TFDP2: variants seen among roughly 807,000 people sequenced by gnomAD.
The protein encoded by TFDP2 is transcription factor Dp-2 (E2F dimerization partner 2).
Under a neutral mutation model 59.3 loss-of-function variants are expected in TFDP2, and 17 were observed. The observed-to-expected ratio is 0.29, with a 90% CI of 0.20 to 0.43. The LOEUF (loss-of-function observed/expected upper bound fraction) is 0.43. TFDP2 is among the 20% of genes least tolerant of loss of function. The pLI, the probability that TFDP2 is intolerant of heterozygous loss-of-function variation, is 1.00. For missense variants in TFDP2, 391 were observed against 528.8 expected, an observed-to-expected ratio of 0.74 and a Z score of 2.56; for synonymous variants, 180 against 194.7, an observed-to-expected ratio of 0.92 and a Z score of 0.63.
intron 9 of TFDP2, among the ~76,000 whole-genome samples, chr3:141,968,258 T>C (rs1938453427): frequency 7.3e-6 from 1 of 137,068 alleles, no homozygotes; most frequent in Admixed American, 8.0e-5. Flanking sequence ...ATATTATATA[T>C]TATATATAAT....
intron 3 of TFDP2, among the ~76,000 whole-genome samples, chr3:142,068,118 G>A (rs1157001523): frequency 2.0e-5 from 3 of 150,712 alleles, no homozygotes; most frequent in Admixed American, 1.3e-4. Context: ...CCCTGAAACA[G>A]AACAATAAAA....
intron 3 of TFDP2, among the ~76,000 whole-genome samples, chr3:142,034,041 A>C (rs904922332): frequency 1.4e-4 from 21 of 151,942 alleles, no homozygotes; most frequent in Admixed American, 1.1e-3. Context: ...TTAATCACTA[A>C]AATTTTTTAG....
chr3:142,066,243 T>C (rs2060071208), intron 3 of TFDP2, among the ~76,000 whole-genome samples: 1 of 152,230 alleles, frequency 6.6e-6, no homozygotes, highest in Non-Finnish European at 1.5e-5. Flanking sequence ...TGTGAAGATT[T>C]GTTCAAAAAT....
chr3:141,993,587 TA>T lies in TFDP2; in HGVS notation c.309-3del. ...AATTTTCTAGCCCGTTTTCTATCAC[TA>T]AAAAGGAAAAAAGATAGCATAAAAA... On this transcript the variant is annotated splice_polypyrimidine_tract_variant and splice_region_variant and intron_variant, in intron 5 of 12. Coordinates refer to ENST00000489671, the MANE Select transcript of TFDP2 (RefSeq NM_001178139.2). 1 of 1,543,344 alleles carries T rather than the reference TA, an allele frequency of 6.5e-7. No homozygotes were observed. The highest frequency in any genetic ancestry group is 8.9e-7 in the Non-Finnish European group (1 of 1,125,824).
chr3:141,948,248 A>G lies in TFDP2; in HGVS notation c.*4265T>C, dbSNP rs1935469938. The G allele has an allele frequency of 6.6e-6, 1 of 152,198 alleles. No homozygotes were observed. The highest frequency in any genetic ancestry group is 6.6e-5 in the Admixed American group (1 of 15,254). The allele number at this position is 152,198 out of a possible 1,614,324, so 9.4% of individuals were successfully genotyped here. On this transcript the variant is annotated 3_prime_UTR_variant, in exon 13 of 13. Transcript: ENST00000489671. ...GCCCTTGAAAGGAAATAATTTTTAA[A>G]AAGCTAAATAGAGCCGGGTGCGGTG...
intron 2 of TFDP2, among the ~76,000 whole-genome samples, chr3:142,100,815 T>C (rs1441222282): frequency 1.3e-5 from 2 of 152,070 alleles, no homozygotes; most frequent in African/African-American, 4.8e-5. Context: ...GAGGGAGAAA[T>C]GAAGCAGGTA....
intron 3 of TFDP2, among the ~76,000 whole-genome samples, chr3:142,025,983 A>G (rs1359297725): frequency 6.6e-6 from 1 of 152,186 alleles, no homozygotes; most frequent in African/African-American, 2.4e-5. Context: ...AACAAACTTC[A>G]AAATCTCTAA....
intron 1 of TFDP2, among the ~76,000 whole-genome samples, chr3:142,122,959 T>C (rs2062100616): frequency 6.6e-6 from 1 of 151,272 alleles, no homozygotes; most frequent in Non-Finnish European, 1.5e-5. Flanking sequence ...TACGTTTATA[T>C]AAAGTTTTTT....
Position 142,116,845 on chromosome 3 carries a change from T to C in TFDP2, c.-92-15004A>G, listed in dbSNP as rs550444338. ...TTTTATATTCCATTACACAACTTAATTCTTTTACTGCTTAAAGTAATTTTA... is the reference window on the plus strand; with the variant it reads ...TTTTATATTCCATTACACAACTTAACTCTTTTACTGCTTAAAGTAATTTTA... On this transcript the variant is annotated intron_variant, in intron 1 of 12. Transcript: ENST00000489671. Among the ~76,000 whole-genome samples, 202 of 152,346 alleles carry C rather than the reference T, an allele frequency of 1.3e-3. 1 individual carries two copies. The highest frequency in any genetic ancestry group is 4.4e-3 in the African/African-American group (183 of 41,580).
chr3:141,998,512 G>A (rs1016449208), intron 4 of TFDP2, among the ~76,000 whole-genome samples: 2 of 152,092 alleles, frequency 1.3e-5, no homozygotes, highest in African/African-American at 4.8e-5. Context: ...AGCTACTCAG[G>A]AGGCTGAGGC....
rs1425331104 is a variant in TFDP2 at position 142,121,756 on chromosome 3, T to C, written c.-92-19915A>G. On this transcript the variant is annotated intron_variant, in intron 1 of 12. Transcript: ENST00000489671. This position sits in a 1 kb window ranked among gnomAD's most constrained non-coding sequence, Gnocchi z 4.3. ...CTCACACCTGTAATCCCAGCACTTC[T>C]GGGATGCTGAGGCGGACGGAACACC... Among the ~76,000 whole-genome samples, 1 of 152,010 alleles carries C rather than the reference T, an allele frequency of 6.6e-6. No individual in the cohort carries two copies. Among genetic ancestry groups the C allele is most frequent in the Non-Finnish European group, 1.5e-5 (1 of 68,012 alleles).
chr3:141,966,519 T>A (rs921747847), intron 9 of TFDP2, among the ~76,000 whole-genome samples: 1 of 151,846 alleles, frequency 6.6e-6, no homozygotes, highest in African/African-American at 2.4e-5. Context: ...TACCATATAA[T>A]GTTATTTTGG....
chr3:142,075,962 G>A (rs1450888690), intron 3 of TFDP2, among the ~76,000 whole-genome samples: 1 of 148,102 alleles, frequency 6.8e-6, no homozygotes, highest in Non-Finnish European at 1.5e-5. Flanking sequence ...TGTAGTCCCA[G>A]CACTTCAGGA....
chr3:142,025,288 C>T (rs1035716596), intron 3 of TFDP2, among the ~76,000 whole-genome samples: 1 of 152,128 alleles, frequency 6.6e-6, no homozygotes, highest in Admixed American at 6.5e-5. Flanking sequence ...AACTAATGTG[C>T]TCTTCTCAAC....
intron 2 of TFDP2, among the ~76,000 whole-genome samples, chr3:142,094,512 C>A (rs1403510570): frequency 6.6e-6 from 1 of 151,748 alleles, no homozygotes; most frequent in East Asian, 1.9e-4. Flanking sequence ...ACCATGTTGG[C>A]CAGGCTGGTC....
At position 141,998,489 on chromosome 3, in the gene TFDP2, C is replaced by T. The variant is rs560636203; in HGVS notation, c.187-3348G>A. Reference sequence around the variant, plus strand: ...AAAATCAGCTGGGTGTTGTGGTGCACGCCGGTAATCCCAGCTACTCAGGAG... The same window carrying T: ...AAAATCAGCTGGGTGTTGTGGTGCATGCCGGTAATCCCAGCTACTCAGGAG... On this transcript the variant is annotated intron_variant, in intron 4 of 12. Coordinates refer to ENST00000489671, the MANE Select transcript of TFDP2 (RefSeq NM_001178139.2). Among the ~76,000 whole-genome samples the T allele has an allele frequency of 3.9e-5, 6 of 152,104 alleles. No homozygotes were observed. In the South Asian group the frequency reaches 1.0e-3, roughly 26 times the overall value.
chr3:142,112,962 T>C (rs1431936521), intron 1 of TFDP2, among the ~76,000 whole-genome samples: 1 of 152,252 alleles, frequency 6.6e-6, no homozygotes, highest in Admixed American at 6.5e-5. Context: ...AACTTACTTC[T>C]GTCCCTACCC....
At chr3:142,042,541 G>C (rs914393266) in intron 3 of TFDP2, among the ~76,000 whole-genome samples, 1 of 151,394 alleles carries the variant, frequency 6.6e-6, no homozygotes, top group Non-Finnish European at 1.5e-5. Flanking sequence ...CTCGAGATCC[G>C]CCTGCCTCAG....
At chr3:142,062,401 ATGTG>A (rs539864134) in intron 3 of TFDP2, among the ~76,000 whole-genome samples, 14 of 144,012 alleles carry the variant, frequency 9.7e-5, no homozygotes, top group Non-Finnish European at 1.1e-4. Flanking sequence ...TATAATATAT[ATGTG>A]TGTGTGTGTG....
Sources: gnomAD v4.1 joint callset for allele counts (sites outside exome capture counted in the v4.1 genomes callset) on GRCh38, gnomAD v4.1.1 for gene constraint, Gnocchi (gnomAD v3.1) non-coding constraint, MANE v1.5 for transcripts, NCBI Gene and HGNC (gene_info 2026-07-23, HGNC 2026-07-21) for gene names.